The following FHIT variants were observed in gnomAD, a reference collection of about 807,000 sequenced individuals.
FHIT encodes the protein bis(5'-adenosyl)-triphosphatase.
Under a neutral mutation model 17.9 loss-of-function variants are expected in FHIT, and 19 were observed. The observed-to-expected ratio is 1.06, with a 90% CI of 0.74 to 1.56. The LOEUF (loss-of-function observed/expected upper bound fraction) is 1.56, where lower values mean the gene tolerates loss of function less well. FHIT is among the 40% of genes most tolerant of loss of function. The probability of loss-of-function intolerance (pLI) is 0.00; values close to 1 mark genes in which losing one functional copy is unlikely to be tolerated. For synonymous variants in FHIT, 81 were observed against 69.7 expected (o/e 1.16, Z -0.81); for missense variants, 248 against 189.2 (o/e 1.31, Z -1.82).
chr3:59,931,376 A>G (rs917556252), intron 7 of FHIT, among the ~76,000 whole-genome samples: 1 of 152,198 alleles, frequency 6.6e-6, no homozygotes, highest in Non-Finnish European at 1.5e-5. Context: ...TCAGCATGAA[A>G]TTACTGACAG....
chr3:60,526,205 C>T (rs546136280), intron 5 of FHIT, among the ~76,000 whole-genome samples: 2 of 152,050 alleles, frequency 1.3e-5, no homozygotes, highest in Admixed American at 1.3e-4. Context: ...GCTCCAGTTC[C>T]ATCTGCTGGG....
intron 1 of FHIT, among the ~76,000 whole-genome samples, chr3:61,230,891 T>C (rs2040083389): frequency 6.6e-6 from 1 of 152,182 alleles, no homozygotes; most frequent in African/African-American, 2.4e-5. Flanking sequence ...CCTACACTAA[T>C]ATTCTGTGAT....
At chr3:60,013,818 A>G (rs1224231599) in intron 6 of FHIT, among the ~76,000 whole-genome samples, 189 bp downstream of exon 6, 1 of 152,130 alleles carries the variant, frequency 6.6e-6, no homozygotes, top group East Asian at 1.9e-4. Flanking sequence ...CACCTTAGAC[A>G]CTATCCCACG....
intron 2 of FHIT, among the ~76,000 whole-genome samples, chr3:61,044,325 A>G (rs1305358816): frequency 3.3e-5 from 5 of 152,200 alleles, no homozygotes; most frequent in African/African-American, 1.2e-4. Flanking sequence ...CTCAAGAACT[A>G]CATGACACAT....
chr3:60,832,687 T>TAAAA (rs879964941), intron 3 of FHIT, among the ~76,000 whole-genome samples: 3 of 132,906 alleles, frequency 2.3e-5, no homozygotes, highest in African/African-American at 8.1e-5. Flanking sequence ...AATCAATTCA[T>TAAAA]AAAAAAAAAA....
At chr3:60,239,061 C>CT (rs1704969378) in intron 5 of FHIT, among the ~76,000 whole-genome samples, 1 of 152,148 alleles carries the variant, frequency 6.6e-6, no homozygotes, top group Admixed American at 6.6e-5. Flanking sequence ...CACACTGCAG[C>CT]CATTTCAGCC....
intron 8 of FHIT, among the ~76,000 whole-genome samples, chr3:59,793,616 A>T (rs146042633): frequency 6.6e-6 from 1 of 152,220 alleles, no homozygotes; most frequent in African/African-American, 2.4e-5. Flanking sequence ...ATTCAATGAA[A>T]ATTTCCTTCC....
Position 60,569,738 on chromosome 3 carries a change from TA to T in FHIT, c.-17-32760del, listed in dbSNP as rs1285552704. ...TATTTATTAATACTATATATATATA[TA>T]TATATATATATATATATTTTTTTTT... On this transcript the variant is annotated intron_variant, in intron 4 of 9. Transcript: ENST00000492590. Among the ~76,000 whole-genome samples, 84 of 61,754 alleles carry T rather than the reference TA, an allele frequency of 1.4e-3. 1 individual carries two copies. Among genetic ancestry groups the T allele is most frequent in the Middle Eastern group, 0.014 (2 of 148 alleles). The allele number at this position is 61,754 out of a possible 152,430, so 40.5% of individuals were successfully genotyped here.
At chr3:59,959,612 T>C (rs991389912) in intron 7 of FHIT, among the ~76,000 whole-genome samples, 1 of 152,200 alleles carries the variant, frequency 6.6e-6, no homozygotes, top group East Asian at 1.9e-4. Flanking sequence ...CTCCACTCAG[T>C]CACTGTGTCA....
chr3:61,191,274 A>G (rs2038708900), intron 2 of FHIT, among the ~76,000 whole-genome samples: 1 of 152,010 alleles, frequency 6.6e-6, no homozygotes, highest in Non-Finnish European at 1.5e-5. Flanking sequence ...CAGTTTGTTG[A>G]ACAGAAGAAA....
rs919429202 is a variant in FHIT at position 60,297,111 on chromosome 3, T to G, written c.103+239749A>C. 5.3e-5 allele frequency among the ~76,000 whole-genome samples: 8 copies of G among 152,162 alleles called. No homozygotes were observed. In the South Asian group the frequency reaches 1.0e-3, roughly 20 times the overall value. On this transcript the variant is annotated intron_variant, in intron 5 of 9. Transcript: ENST00000492590. ...CCACCTTATTCTTTTTCAAATCTGT[T>G]TTAGCTATTCTAGTTCCTGTGCCTT...
intron 5 of FHIT, among the ~76,000 whole-genome samples, chr3:60,158,114 A>G (rs116694245): frequency 9.6e-4 from 146 of 152,264 alleles, no homozygotes; most frequent in African/African-American, 3.3e-3. Flanking sequence ...AAGGAACAAA[A>G]GAAGAAAAAA....
At chr3:60,283,271 T>C (rs991051784) in intron 5 of FHIT, among the ~76,000 whole-genome samples, 1 of 151,962 alleles carries the variant, frequency 6.6e-6, no homozygotes, top group South Asian at 2.1e-4. Flanking sequence ...GTTTGTAGTA[T>C]CAGGAAATGC....
chr3:60,553,146 G>A (rs1442189721), intron 4 of FHIT, among the ~76,000 whole-genome samples: 1 of 152,052 alleles, frequency 6.6e-6, no homozygotes, highest in Non-Finnish European at 1.5e-5. Context: ...CTTATAATAT[G>A]TAGACATCAT....
At chr3:60,448,723 C>T (rs904650685) in intron 5 of FHIT, among the ~76,000 whole-genome samples, 36 of 152,270 alleles carry the variant, frequency 2.4e-4, no homozygotes, top group African/African-American at 8.2e-4. Flanking sequence ...ATTATGGACA[C>T]GTGCCTTTCC....
chr3:60,633,233 C>G (rs1289845449), intron 4 of FHIT, among the ~76,000 whole-genome samples: 2 of 152,122 alleles, frequency 1.3e-5, no homozygotes, highest in Admixed American at 1.3e-4. Flanking sequence ...ATGAGTCAAA[C>G]CACCTGATTC....
chr3:60,297,494 T>G (rs923671887), intron 5 of FHIT, among the ~76,000 whole-genome samples: 2 of 152,072 alleles, frequency 1.3e-5, no homozygotes, highest in African/African-American at 4.8e-5. Context: ...CTGGGGCCTT[T>G]CTGAACTCAT....
chr3:60,322,507 G>C (rs1266162416), intron 5 of FHIT, among the ~76,000 whole-genome samples: 1 of 152,152 alleles, frequency 6.6e-6, no homozygotes, highest in East Asian at 1.9e-4. Context: ...AGAAGTCTAA[G>C]GTCCAGAGAG....
chr3:60,698,425 T>C (rs994306779), intron 4 of FHIT, among the ~76,000 whole-genome samples: 1 of 152,164 alleles, frequency 6.6e-6, no homozygotes, highest in South Asian at 2.1e-4. Flanking sequence ...CTGAGATAAG[T>C]GTTTGAGAAC....
Sources: allele counts gnomAD v4.1 joint callset (sites outside exome capture counted in the v4.1 genomes callset), GRCh38; gene constraint gnomAD v4.1.1; transcripts MANE v1.5; gene names NCBI Gene and HGNC (gene_info 2026-07-23, HGNC 2026-07-21).